The following LMLN variants were observed in gnomAD, a reference collection of about 807,000 sequenced individuals.
The protein encoded by LMLN is leishmanolysin-like peptidase.
LMLN carries 70 observed loss-of-function variants against 92.3 expected under a neutral mutation model. The ratio of observed to expected loss-of-function variants is 0.76; its 90% CI spans 0.63 to 0.92. The LOEUF (loss-of-function observed/expected upper bound fraction) is 0.92. LMLN is among the 40% of genes least tolerant of loss of function. LMLN has a pLI of 0.00. For missense variants in LMLN, 691 were observed against 814.6 expected (o/e 0.85, Z 1.85); for synonymous variants, 308 against 296.2 (o/e 1.04, Z -0.41).
intron 14 of LMLN, among the ~76,000 whole-genome samples, chr3:198,032,858 C>T (rs1456642558): frequency 6.6e-6 from 1 of 152,182 alleles, no homozygotes; most frequent in African/African-American, 2.4e-5. Context: ...CGAACTGGTC[C>T]AGCTGGTCGC....
At chr3:197,960,469 T>C in intron 1 of LMLN, 29 bp downstream of exon 1, 1 of 1,600,820 alleles carries the variant, frequency 6.2e-7, no homozygotes, top group South Asian at 1.1e-5. Context: ...GAGCGGGCCC[T>C]CTCAGGGTAA....
In LMLN at chr3:197,960,792, G is replaced by A. The variant is rs114533726; in HGVS notation, c.219+352G>A. On this transcript the variant is annotated intron_variant, in intron 1 of 15. Coordinates refer to ENST00000330198, the Ensembl canonical transcript of LMLN. ...TCAGTAGGTCTGGGATGAGTCCCCA[G>A]AGTTGACAGTTTACGTTCCCAGCTG... Among the ~76,000 whole-genome samples, 1,322 of 152,184 alleles carry A rather than the reference G, an allele frequency of 8.7e-3. 12 individuals carry two copies. Among genetic ancestry groups the A allele is most frequent in the African/African-American group, 0.03 (1,263 of 41,494 alleles).
chr3:197,968,286 G>A (rs1454329129), intron 1 of LMLN, among the ~76,000 whole-genome samples: 1 of 151,832 alleles, frequency 6.6e-6, no homozygotes, highest in African/African-American at 2.4e-5. Context: ...CTAACACGGT[G>A]AAACCCCGTC....
chr3:197,993,448 A>G (rs1014822852), intron 9 of LMLN, among the ~76,000 whole-genome samples: 15 of 152,278 alleles, frequency 9.9e-5, no homozygotes, highest in South Asian at 6.2e-4. Flanking sequence ...GTAGTTTTCT[A>G]TATACTAACA....
intron 12 of LMLN, 46 bp from the exon 14 acceptor site, chr3:198,021,400 A>G (rs370348067): frequency 1.1e-5 from 17 of 1,581,696 alleles, no homozygotes; most frequent in South Asian, 2.2e-5. Context: ...TCAATTTTAT[A>G]CAGAATGTTT....
At chr3:197,989,357 A>G (rs1721802391) in intron 8 of LMLN, among the ~76,000 whole-genome samples, 1 of 152,040 alleles carries the variant, frequency 6.6e-6, no homozygotes, top group Non-Finnish European at 1.5e-5. Flanking sequence ...CATAGAGGAG[A>G]GAATTTTGAG....
exon 16 of LMLN, chr3:198,040,097 G>A (rs1158727393): frequency 1.3e-5 from 2 of 152,090 alleles, no homozygotes; most frequent in African/African-American, 4.8e-5. Context: ...TTTTAAAATG[G>A]GTTAAGAAAT....
At chr3:198,013,387 C>T (rs1722509590) in intron 11 of LMLN, among the ~76,000 whole-genome samples, 2 of 93,748 alleles carry the variant, frequency 2.1e-5, no homozygotes, top group Non-Finnish European at 2.0e-5. Flanking sequence ...TGACTTCTCT[C>T]CACCCTTTAG....
Position 197,999,248 on chromosome 3 carries a change from C to T in LMLN, c.1156-18C>T, listed in dbSNP as rs780147786. On this transcript the variant is annotated intron_variant, in intron 10 of 15. Coordinates refer to ENST00000330198, the Ensembl canonical transcript of LMLN. ...TGCAGAGAATCTAGTCTAATTAAAC[C>T]CTGTTGGTGATTTTCAGAATGAAGC... 5 of 1,587,074 alleles carry T rather than the reference C, an allele frequency of 3.2e-6. No homozygotes were observed. The African/African-American group carries it at 5.4e-5, about 17-fold the overall frequency.
At chr3:197,996,920 C>G (rs1356854232) in intron 10 of LMLN, among the ~76,000 whole-genome samples, 15 of 152,154 alleles carry the variant, frequency 9.9e-5, no homozygotes, top group Non-Finnish European at 1.5e-4. Flanking sequence ...TAGCTGGGAC[C>G]ACAGGCAAAC....
intron 11 of LMLN, among the ~76,000 whole-genome samples, chr3:198,018,360 C>G (rs1722695010): frequency 6.6e-6 from 1 of 152,188 alleles, no homozygotes; most frequent in Admixed American, 6.5e-5. Flanking sequence ...ATTGAGTAGC[C>G]TGCATGTGCC....
intron 5 of LMLN, among the ~76,000 whole-genome samples, chr3:197,977,344 A>C (rs537287827): frequency 1.3e-5 from 2 of 152,358 alleles, no homozygotes; most frequent in South Asian, 4.1e-4. Flanking sequence ...GACAATAAAA[A>C]AATGATCAAA....
intron 1 of LMLN, among the ~76,000 whole-genome samples, chr3:197,963,488 G>C (rs1720965518): frequency 6.6e-6 from 1 of 152,152 alleles, no homozygotes; most frequent in African/African-American, 2.4e-5. Flanking sequence ...GCCGTGCCCA[G>C]CCAGATCTTG....
intron 1 of LMLN, among the ~76,000 whole-genome samples, chr3:197,973,265 G>A (rs1159973503): frequency 6.8e-5 from 10 of 146,964 alleles, no homozygotes; most frequent in African/African-American, 1.5e-4. Context: ...TTTTTGAGAC[G>A]GAGTCTTGCT....
At chr3:198,030,082 G>GAT (rs1054097735) in intron 14 of LMLN, among the ~76,000 whole-genome samples, 20 of 152,110 alleles carry the variant, frequency 1.3e-4, no homozygotes, top group African/African-American at 4.8e-4. Context: ...GACCTCAAGT[G>GAT]ATCTGCCTGC....
intron 11 of LMLN, among the ~76,000 whole-genome samples, chr3:198,015,658 C>G (rs1275905038): frequency 4.3e-5 from 6 of 140,802 alleles, no homozygotes; most frequent in Non-Finnish European, 7.6e-5. Flanking sequence ...CCCTTCAGAG[C>G]CCCCTAACTA....
exon 16 of LMLN, chr3:198,041,846 T>C (rs1039056688): frequency 2.0e-5 from 3 of 152,210 alleles, no homozygotes; most frequent in Non-Finnish European, 4.4e-5. Flanking sequence ...ATATTTTGAC[T>C]GTTGTGTAGT....
intron 5 of LMLN, 33 bp from the exon 6 acceptor site, chr3:197,980,293 G>C: frequency 6.3e-7 from 1 of 1,592,750 alleles, no homozygotes; most frequent in Non-Finnish European, 8.6e-7. Context: ...CTTTGTCTCT[G>C]TTCTGGCTTT....
rs574139025 is a variant in LMLN, at chr3:197,971,124, A to G, written c.220-3253A>G. On this transcript the variant is annotated intron_variant, in intron 1 of 15. Transcript: ENST00000330198. ...TTGTTCTTCACAGAAAGTCAATGCC[A>G]TTCGTACTTCTCTTCCCTTCCTATG... is the stretch of plus-strand genomic sequence containing the variant. Among the ~76,000 whole-genome samples the G allele has an allele frequency of 6.6e-5, 10 of 152,312 alleles. No homozygotes were observed. In the East Asian group the frequency reaches 1.5e-3, roughly 23 times the overall value.
Sources: gnomAD v4.1 joint callset for allele counts (sites outside exome capture counted in the v4.1 genomes callset) on GRCh38, gnomAD v4.1.1 for gene constraint, MANE v1.5 for transcripts, NCBI Gene and HGNC (gene_info 2026-07-23, HGNC 2026-07-21) for gene names.